Variants in ZNF236 observed in about 807,000 individuals in gnomAD.
ZNF236 encodes regulated by glucose.
ZNF236 carries 50 observed loss-of-function variants against 191.2 expected under a neutral mutation model. The observed-to-expected ratio is 0.26, with a 90% CI of 0.21 to 0.33. ZNF236 has a LOEUF of 0.33. ZNF236 is among the 10% of genes least tolerant of loss of function. The pLI is 1.00. For synonymous variants in ZNF236, 907 were observed against 928.8 expected (o/e 0.98, Z 0.43); for missense variants, 1,754 against 2,374.5 (o/e 0.74, Z 5.43).
Position 76,927,435 on chromosome 18 carries a change from C to T in ZNF236, c.4332C>T (p.Ser1444=), listed in dbSNP as rs1054841709. 1.9e-6 allele frequency: 3 copies of T among 1,614,218 alleles called. No homozygotes were observed. Among genetic ancestry groups the T allele is most frequent in the Non-Finnish European group, 2.5e-6 (3 of 1,180,042 alleles). The part of the protein sequence containing the change: ...SVVIQPISGL[S]LQPTVTSANL... ...TCATCCAGCCCATCTCAGGCCTGTC[C>T]TTACAGCCCACAGTGACCTCTGCGA... The change falls in exon 24 of 31, where the codon TCC becomes TCT. Residue 1444 remains serine (S), a synonymous_variant. Transcript: ENST00000320610. This position sits in a 1 kb window ranked among gnomAD's most constrained non-coding sequence, Gnocchi z 5.4.
chr18:76,865,035 G>A (rs1302601566), intron 3 of ZNF236, among the ~76,000 whole-genome samples: 2 of 152,092 alleles, frequency 1.3e-5, no homozygotes, highest in Non-Finnish European at 2.9e-5. Context: ...ATGTAAGTAC[G>A]TGAATTAAAA....
intron 9 of ZNF236, chr18:76,885,337 C>G (rs1977017736): frequency 6.6e-6 from 1 of 152,390 alleles, no homozygotes; most frequent in Non-Finnish European, 1.5e-5. Context: ...GTTCTGGGAA[C>G]CACATGGGGG....
At chr18:76,859,579 C>T (rs1976154041) in intron 3 of ZNF236, among the ~76,000 whole-genome samples, 1 of 152,164 alleles carries the variant, frequency 6.6e-6, no homozygotes, top group Admixed American at 6.5e-5. Context: ...TTCTCTTCCA[C>T]GTGGTTCTTC....
At chr18:76,920,745 G>A (rs1429081495) in intron 20 of ZNF236, among the ~76,000 whole-genome samples, 1 of 152,184 alleles carries the variant, frequency 6.6e-6, no homozygotes, top group Non-Finnish European at 1.5e-5. Context: ...TGGGACACAA[G>A]CGTGTGACAG....
At chr18:76,900,354 A>G (rs1977553140) in intron 11 of ZNF236, among the ~76,000 whole-genome samples, 1 of 150,658 alleles carries the variant, frequency 6.6e-6, no homozygotes, top group Admixed American at 6.6e-5. Context: ...AAGATCCTCA[A>G]TTAGACAGGT....
At chr18:76,950,491 G>A (rs1159591632) in intron 27 of ZNF236, among the ~76,000 whole-genome samples, 1 of 152,042 alleles carries the variant, frequency 6.6e-6, no homozygotes, top group African/African-American at 2.4e-5. Context: ...ATCCTTATCT[G>A]CTCAGTTATA....
intron 3 of ZNF236, among the ~76,000 whole-genome samples, chr18:76,866,043 C>T (rs544665251): frequency 1.3e-5 from 2 of 152,322 alleles, no homozygotes; most frequent in Admixed American, 6.5e-5. Flanking sequence ...AGAAAAATTA[C>T]TGTAGTTTTT....
At chr18:76,908,285 T>C in intron 13 of ZNF236, 35 bp from the exon 14 acceptor site, 1 of 1,599,190 alleles carries the variant, frequency 6.3e-7, no homozygotes, top group Non-Finnish European at 8.6e-7. Context: ...TTTGACAGCA[T>C]CTAACCTGAT....
intron 5 of ZNF236, among the ~76,000 whole-genome samples, chr18:76,874,143 A>G (rs749279619): frequency 6.6e-6 from 1 of 152,132 alleles, no homozygotes; most frequent in Non-Finnish European, 1.5e-5. Flanking sequence ...TGACCGGGCC[A>G]CACTCTCACT....
rs1047245839 is a variant in ZNF236 at position 76,895,500 on chromosome 18, C to T, written c.1690+215C>T. On this transcript the variant is annotated intron_variant, in intron 10 of 30. Coordinates refer to ENST00000320610, the MANE Select transcript of ZNF236 (RefSeq NM_001306089.2). ...ACACCGGTACTGCCCACAGGGACTG[C>T]ACAAAGGTCTCAAACACAGATACCG... The T allele has an allele frequency of 7.5e-6, 5 of 667,634 alleles. No homozygotes were observed. The African/African-American group carries it at 9.1e-5, about 12-fold the overall frequency. 41.4% of individuals were successfully genotyped at this position (667,634 alleles called of 1,614,324 possible). A position where few individuals can be genotyped will look rare whatever the true frequency, so the allele number is the denominator to read the frequency against.
intron 1 of ZNF236, among the ~76,000 whole-genome samples, chr18:76,826,539 C>T (rs1975024762): frequency 6.6e-6 from 1 of 151,412 alleles, no homozygotes; most frequent in Non-Finnish European, 1.5e-5. Context: ...ACCTGTAATC[C>T]CAGCTCTTTG....
intron 28 of ZNF236, 66 bp from the exon 29 acceptor site, chr18:76,959,621 C>G: frequency 6.5e-7 from 1 of 1,530,482 alleles, no homozygotes; most frequent in African/African-American, 1.4e-5. Context: ...TGATTTGCTT[C>G]CTCTTGTTTC....
rs1012661937 is a variant in ZNF236 at position 76,970,125 on chromosome 18, G to T, written c.*1786G>T. ...AATGCACTTTTTATTTTATAATTTT[G>T]TATTGAAATATTTTAGAAATGTTGA... On this transcript the variant is annotated 3_prime_UTR_variant, in exon 31 of 31. Coordinates refer to ENST00000320610, the MANE Select transcript of ZNF236 (RefSeq NM_001306089.2). 4.6e-5 allele frequency: 7 copies of T among 152,472 alleles called. No individual in the cohort carries two copies. Among genetic ancestry groups the T allele is most frequent in the Non-Finnish European group, 2.9e-5 (2 of 68,002 alleles). 9.4% of individuals were successfully genotyped at this position (152,472 alleles called of 1,614,324 possible). A position where few individuals can be genotyped will look rare whatever the true frequency, so the allele number is the denominator to read the frequency against.
intron 26 of ZNF236, among the ~76,000 whole-genome samples, chr18:76,938,040 T>C (rs1968044988): frequency 6.6e-6 from 1 of 152,158 alleles, no homozygotes; most frequent in Non-Finnish European, 1.5e-5. Flanking sequence ...TGATGTAAAT[T>C]GTGATTTCTA....
At chr18:76,901,831 T>C (rs1388508648) in intron 11 of ZNF236, among the ~76,000 whole-genome samples, 1 of 152,194 alleles carries the variant, frequency 6.6e-6, no homozygotes, top group Non-Finnish European at 1.5e-5. Flanking sequence ...TGTTATGCTA[T>C]TTAACTGTTT....
chr18:76,927,185 A>G lies in ZNF236; in HGVS notation c.4173+3A>G, dbSNP rs376408560. ...GCATTAATAACATTACGTTGCAGGT[A>G]TGACACCTTCCATGGTCTCCTGTGC... On this transcript the variant is annotated splice_donor_region_variant and intron_variant, in intron 23 of 30. Transcript: ENST00000320610. The surrounding 1 kb of genome is among the most constrained non-coding windows in gnomAD (Gnocchi z 5.4). 2.2e-5 allele frequency: 36 copies of G among 1,612,900 alleles called. No individual in the cohort carries two copies. The highest frequency in any genetic ancestry group is 2.9e-5 in the Non-Finnish European group (34 of 1,179,038).
chr18:76,950,190 T>C (rs1968370032), intron 27 of ZNF236, among the ~76,000 whole-genome samples: 1 of 152,154 alleles, frequency 6.6e-6, no homozygotes, highest in African/African-American at 2.4e-5. Flanking sequence ...GATTCTTCCT[T>C]TCATGAAAGA....
intron 1 of ZNF236, among the ~76,000 whole-genome samples, chr18:76,839,904 T>C (rs1975430445): frequency 6.6e-6 from 1 of 152,216 alleles, no homozygotes; most frequent in Non-Finnish European, 1.5e-5. Flanking sequence ...AATTAGTTTT[T>C]TGCACTGTCA....
intron 19 of ZNF236, among the ~76,000 whole-genome samples, chr18:76,917,722 T>C (rs1243814514): frequency 1.3e-5 from 2 of 152,226 alleles, no homozygotes; most frequent in African/African-American, 2.4e-5. Context: ...ATACTGATTG[T>C]GTTCTCAGTT....
Sources: allele counts gnomAD v4.1 joint callset (sites outside exome capture counted in the v4.1 genomes callset), GRCh38; gene constraint gnomAD v4.1.1; non-coding constraint Gnocchi (gnomAD v3.1); transcripts MANE v1.5; gene names NCBI Gene and HGNC (gene_info 2026-07-23, HGNC 2026-07-21).